Variants in CDYL2 observed in about 807,000 individuals in gnomAD.
The protein encoded by CDYL2 is chromodomain Y-like protein 2.
A neutral mutation model predicts 49.4 loss-of-function variants in CDYL2; 23 were observed. The ratio of observed to expected loss-of-function variants is 0.47; its 90% CI spans 0.34 to 0.66. The LOEUF (loss-of-function observed/expected upper bound fraction) is 0.66. Among genes scored for constraint, CDYL2 ranks in the 30% least tolerant of loss-of-function variants. The pLI is 0.01. For synonymous variants in CDYL2, 360 were observed against 268.8 expected (o/e 1.34, Z -3.32); for missense variants, 678 against 656.4 (o/e 1.03, Z -0.36).
chr16:80,625,420 C>T (rs933078772), intron 3 of CDYL2, among the ~76,000 whole-genome samples: 1 of 152,202 alleles, frequency 6.6e-6, no homozygotes, highest in East Asian at 1.9e-4. Context: ...TGAGCCCATC[C>T]AGGTAGTCTA....
chr16:80,697,298 C>T (rs1904280294), intron 1 of CDYL2, among the ~76,000 whole-genome samples: 1 of 152,104 alleles, frequency 6.6e-6, no homozygotes, highest in Non-Finnish European at 1.5e-5. Context: ...TAATACATCA[C>T]ATTAAGAATG....
intron 1 of CDYL2, among the ~76,000 whole-genome samples, chr16:80,771,572 G>A (rs1160065724): frequency 1.3e-5 from 2 of 152,126 alleles, no homozygotes; most frequent in East Asian, 1.9e-4. Flanking sequence ...AGGTGTGGTG[G>A]TGCGCACCTG....
chr16:80,646,855 G>T (rs373304221), intron 2 of CDYL2, among the ~76,000 whole-genome samples: 9 of 150,658 alleles, frequency 6.0e-5, no homozygotes, highest in Non-Finnish European at 1.0e-4. Flanking sequence ...TCTGCTGCCT[G>T]TAAGAAACAC....
chr16:80,638,679 C>T (rs112292973), intron 2 of CDYL2, among the ~76,000 whole-genome samples: 1,641 of 152,092 alleles, frequency 0.011, 37 homozygotes, highest in African/African-American at 0.038. Flanking sequence ...CAGCAATATA[C>T]CGAGGTGATC....
intron 1 of CDYL2, among the ~76,000 whole-genome samples, chr16:80,745,072 T>G (rs1905879093): frequency 6.6e-6 from 1 of 152,108 alleles, no homozygotes; most frequent in Admixed American, 6.5e-5. Context: ...ATCGAGGAAG[T>G]GCATTCACAA....
At chr16:80,666,361 G>C (rs1250721045) in intron 2 of CDYL2, among the ~76,000 whole-genome samples, 1 of 152,138 alleles carries the variant, frequency 6.6e-6, no homozygotes, top group Non-Finnish European at 1.5e-5. Flanking sequence ...TTACCATCAA[G>C]GCAGGTCATA....
At chr16:80,632,932 TG>T in intron 3 of CDYL2, 86 bp downstream of exon 3, 1 of 1,341,164 alleles carries the variant, frequency 7.5e-7, no homozygotes, top group Non-Finnish European at 1.1e-6. Flanking sequence ...AGCTCCCTGA[TG>T]GAAGGAAGGA....
At chr16:80,774,145 T>C (rs1272748432) in intron 1 of CDYL2, among the ~76,000 whole-genome samples, 1 of 151,700 alleles carries the variant, frequency 6.6e-6, no homozygotes, top group Non-Finnish European at 1.5e-5. Context: ...ACAAGGAAAA[T>C]AACAGAAATC....
At chr16:80,752,207 A>G (rs1457088215) in intron 1 of CDYL2, among the ~76,000 whole-genome samples, 1 of 152,178 alleles carries the variant, frequency 6.6e-6, no homozygotes, top group Non-Finnish European at 1.5e-5. Flanking sequence ...AGTAAAATGA[A>G]TGATAGGTTA....
At chr16:80,640,548 C>T (rs72806114) in intron 2 of CDYL2, among the ~76,000 whole-genome samples, 3 of 151,904 alleles carry the variant, frequency 2.0e-5, no homozygotes, top group African/African-American at 7.3e-5. Flanking sequence ...AATTCCCAGA[C>T]ACAAACATCT....
chr16:80,651,649 C>A (rs958649199), intron 2 of CDYL2, among the ~76,000 whole-genome samples: 1 of 152,110 alleles, frequency 6.6e-6, no homozygotes, highest in Non-Finnish European at 1.5e-5. Context: ...CAGAATGTGA[C>A]AAAAGAATCC....
At chr16:80,722,741 G>C (rs1597099195) in intron 1 of CDYL2, among the ~76,000 whole-genome samples, 2 of 152,318 alleles carry the variant, frequency 1.3e-5, no homozygotes, top group Middle Eastern at 3.4e-3. Flanking sequence ...TACAGGGCTA[G>C]GAGCTGGAAT....
At chr16:80,620,650 G>T in intron 4 of CDYL2, 113 bp downstream of exon 4, 1 of 1,015,828 alleles carries the variant, frequency 9.8e-7, no homozygotes, top group Non-Finnish European at 1.4e-6. Flanking sequence ...ATATACTTAT[G>T]CTAAAAATAA....
chr16:80,626,493 T>A (rs147283863), intron 3 of CDYL2, among the ~76,000 whole-genome samples: 102 of 152,306 alleles, frequency 6.7e-4, no homozygotes, highest in African/African-American at 2.3e-3. Context: ...TGGAGGTAGT[T>A]ACTCTTAGCC....
At chr16:80,725,637 G>A (rs774048727) in intron 1 of CDYL2, among the ~76,000 whole-genome samples, 1 of 152,196 alleles carries the variant, frequency 6.6e-6, no homozygotes, top group Non-Finnish European at 1.5e-5. Context: ...TAAGCTACAT[G>A]CAGAAGTTCC....
chr16:80,636,546 C>T (rs997500711), intron 2 of CDYL2, among the ~76,000 whole-genome samples: 2 of 152,164 alleles, frequency 1.3e-5, no homozygotes, highest in African/African-American at 4.8e-5. Flanking sequence ...ATTAAGAAGT[C>T]AGGAAACAAC....
intron 1 of CDYL2, among the ~76,000 whole-genome samples, chr16:80,731,174 T>A (rs139879722): frequency 1.3e-5 from 2 of 151,960 alleles, no homozygotes; most frequent in Non-Finnish European, 1.5e-5. Flanking sequence ...ACAATTGACA[T>A]GCAAAATAAG....
chr16:80,604,665 C>G (rs1475406081), intron 6 of CDYL2, 119 bp from the exon 7 acceptor site: 2 of 1,041,756 alleles, frequency 1.9e-6, no homozygotes, highest in African/African-American at 3.2e-5. Flanking sequence ...AAGGCTGCCT[C>G]CTCCAGCCTG....
At chr16:80,660,137 C>G (rs1258983822) in intron 2 of CDYL2, among the ~76,000 whole-genome samples, 1 of 151,910 alleles carries the variant, frequency 6.6e-6, no homozygotes, top group African/African-American at 2.4e-5. Context: ...TTCAGGTGTT[C>G]TAACACCAAG....
Sources: allele counts gnomAD v4.1 joint callset (sites outside exome capture counted in the v4.1 genomes callset), GRCh38; gene constraint gnomAD v4.1.1; transcripts MANE v1.5; gene names NCBI Gene and HGNC (gene_info 2026-07-23, HGNC 2026-07-21).